GAL3ST1: variants seen among roughly 807,000 people sequenced by gnomAD.
GAL3ST1 encodes galactose-3-O-sulfotransferase 1, also known as galactosylceramide sulfotransferase.
In GAL3ST1, 13 loss-of-function variants were observed where a neutral mutation model predicts 25.0. That is an observed-to-expected ratio of 0.52 (90% CI 0.34 to 0.83). The LOEUF (loss-of-function observed/expected upper bound fraction) is 0.83, where lower values mean the gene tolerates loss of function less well. Ranked by LOEUF, GAL3ST1 falls within the 40% of genes least tolerant of loss-of-function variation. The pLI is 0.02. For missense variants in GAL3ST1, 474 were observed against 613.6 expected (o/e 0.77, Z 2.40); for synonymous variants, 274 against 277.8 (o/e 0.99, Z 0.14).
At chr22:30,556,122 C>T (rs771033555) in intron 3 of GAL3ST1, 29 bp from the exon 4 acceptor site, 1 of 1,571,516 alleles carries the variant, frequency 6.4e-7, no homozygotes, top group Non-Finnish European at 8.6e-7. Flanking sequence ...TGGGGAGAGC[C>T]TCAGGGGGGT....
intron 3 of GAL3ST1, among the ~76,000 whole-genome samples, 169 bp downstream of exon 3, chr22:30,557,093 C>G (rs541670281): frequency 1.1e-4 from 16 of 152,180 alleles, no homozygotes; most frequent in Non-Finnish European, 1.8e-4. Context: ...CAGAGTTACA[C>G]GGCGAGCTCT....
rs755783998 is a variant in GAL3ST1 at position 30,555,990 on chromosome 22, C to T, written c.235G>A (p.Val79Met). The change falls in exon 4 of 4, where the codon GTG becomes ATG. Residue 79 changes from valine (V) to methionine (M), a missense_variant. This residue lies in a region of GAL3ST1 where 115 missense variants were observed against 109.2 expected (regional missense o/e 1.05). Coordinates refer to ENST00000406361, the MANE Select transcript of GAL3ST1 (RefSeq NM_001318104.2). The surrounding 1 kb of genome is among the most constrained non-coding windows in gnomAD (Gnocchi z 8.6). ...AGECQPRRNIVFLKTHKTASS... is the reference protein window; with the variant it reads ...AGECQPRRNIMFLKTHKTASS... ...GCCGTCTTGTGCGTCTTCAAGAACA[C>T]GATGTTGCGCCGCGGCTGGCACTCC... 2.5e-6 allele frequency: 4 copies of T among 1,613,164 alleles called. No homozygotes were observed. Among genetic ancestry groups the T allele is most frequent in the South Asian group, 1.1e-5 (1 of 91,078 alleles).
chr22:30,555,043 G>T lies in GAL3ST1; in HGVS notation c.1182C>A (p.Leu394=). The part of the protein sequence containing the change: ...QRHAQLCRRM[L]TPEIQYLMDL... ...CCATCAGGTACTGGATCTCGGGCGT[G>T]AGCATGCGCCGGCAGAGCTGCGCGT... Residue 394 remains leucine, a synonymous_variant, in exon 4 of 4, where the codon CTC becomes CTA. Coordinates refer to ENST00000406361, the MANE Select transcript of GAL3ST1 (RefSeq NM_001318104.2). The surrounding 1 kb of genome is among the most constrained non-coding windows in gnomAD (Gnocchi z 8.6). 1 of 1,611,762 alleles carries T rather than the reference G, an allele frequency of 6.2e-7. No homozygotes were observed. The highest frequency in any genetic ancestry group is 8.5e-7 in the Non-Finnish European group (1 of 1,178,810).
chr22:30,559,549 C>T (rs891547531), intron 1 of GAL3ST1, among the ~76,000 whole-genome samples: 24 of 152,048 alleles, frequency 1.6e-4, no homozygotes, highest in Non-Finnish European at 3.4e-4. Context: ...CATTTTTATA[C>T]ATTTTTAATA....
intron 1 of GAL3ST1, among the ~76,000 whole-genome samples, chr22:30,566,356 T>C (rs544327808): frequency 1.2e-4 from 19 of 152,370 alleles, no homozygotes; most frequent in African/African-American, 4.3e-4. Flanking sequence ...CTTCTGTGCT[T>C]GGGACCTGTC....
intron 1 of GAL3ST1, among the ~76,000 whole-genome samples, chr22:30,559,343 C>A (rs867620221): frequency 6.6e-6 from 1 of 151,964 alleles, no homozygotes; most frequent in Non-Finnish European, 1.5e-5. Flanking sequence ...CCGGTTCAAG[C>A]GATTCTCCTG....
rs138081153 is a variant in GAL3ST1 at position 30,568,565 on chromosome 22, T to C, written c.-120+5901A>G. On this transcript the variant is annotated intron_variant, in intron 1 of 3. Coordinates refer to ENST00000406361, the MANE Select transcript of GAL3ST1 (RefSeq NM_001318104.2). ...AAAACGAGAACTGTATTAAGCCTTT[T>C]AGAACTTCAGGTTTGTCTGTTACAG... is the stretch of plus-strand genomic sequence containing the variant. Among the ~76,000 whole-genome samples, 3 of 152,322 alleles carry C rather than the reference T, an allele frequency of 2.0e-5. No homozygotes were observed. The East Asian group carries it at 5.8e-4, about 29-fold the overall frequency.
At chr22:30,573,741 C>G (rs2086838738) in intron 1 of GAL3ST1, among the ~76,000 whole-genome samples, 1 of 152,192 alleles carries the variant, frequency 6.6e-6, no homozygotes, top group Non-Finnish European at 1.5e-5. Context: ...CTCTCTGGCT[C>G]TGGGCAGCTG....
chr22:30,555,701 T>C lies in GAL3ST1; in HGVS notation c.524A>G (p.His175Arg), dbSNP rs375737894. 7.0e-5 allele frequency: 113 copies of C among 1,613,464 alleles called. No individual in the cohort carries two copies. Among genetic ancestry groups the C allele is most frequent in the Non-Finnish European group, 9.2e-5 (108 of 1,179,960 alleles). Residue 175 changes from histidine (H) to arginine (R), a missense_variant, in exon 4 of 4, where the codon CAC becomes CGC. Physicochemically the swap from His to Arg is conservative, Grantham distance 29. Around this residue, in one of 2 missense-constraint regions of GAL3ST1, gnomAD observed 359 missense variants for 504.4 expected, o/e 0.71. Transcript: ENST00000406361. The surrounding 1 kb of genome is among the most constrained non-coding windows in gnomAD (Gnocchi z 8.6). Reference sequence around the variant, plus strand: ...GAGGGGCACCACCGGCCCGAAGTAGTGGAAGGAGGACTCGAACAAGCGGGC... The same window carrying C: ...GAGGGGCACCACCGGCCCGAAGTAGCGGAAGGAGGACTCGAACAAGCGGGC... Reference protein sequence around the residue: ...DPARLFESSFHYFGPVVPLTW... With the variant: ...DPARLFESSFRYFGPVVPLTW...
chr22:30,571,507 T>C (rs2086784494), intron 1 of GAL3ST1, among the ~76,000 whole-genome samples: 1 of 152,130 alleles, frequency 6.6e-6, no homozygotes, highest in Non-Finnish European at 1.5e-5. Flanking sequence ...GAGAGGGTAA[T>C]GTTCTTTGAT....
chr22:30,566,842 C>T (rs2859472), intron 1 of GAL3ST1, among the ~76,000 whole-genome samples: 3 of 152,188 alleles, frequency 2.0e-5, no homozygotes, highest in African/African-American at 4.8e-5. Context: ...ATCTCCTGAC[C>T]TCATGATCTG....
intron 1 of GAL3ST1, among the ~76,000 whole-genome samples, chr22:30,564,438 C>A (rs1313899872): frequency 6.6e-6 from 1 of 152,180 alleles, no homozygotes; most frequent in Non-Finnish European, 1.5e-5. Flanking sequence ...GGTAACACAG[C>A]CCAGCAGCAG....
intron 1 of GAL3ST1, chr22:30,564,868 C>T (rs1388532630): frequency 6.6e-6 from 1 of 152,292 alleles, no homozygotes; most frequent in Admixed American, 6.5e-5. Flanking sequence ...CTGCCTGAGC[C>T]ACGTCCAACT....
Position 30,555,240 on chromosome 22 carries a change from G to A in GAL3ST1, c.985C>T (p.Arg329Cys), listed in dbSNP as rs1232709405. Residue 329 changes from arginine (R) to cysteine (C), a missense_variant, in exon 4 of 4, where the codon CGC becomes TGC. This residue lies in a region of GAL3ST1 where 359 missense variants were observed against 504.4 expected (regional missense o/e 0.71). Coordinates refer to ENST00000406361, the MANE Select transcript of GAL3ST1 (RefSeq NM_001318104.2). This position sits in a 1 kb window ranked among gnomAD's most constrained non-coding sequence, Gnocchi z 8.6. ...VEAFGRERMA[R>C]EVAALRHANE... Reference sequence around the variant, plus strand: ...GCATGGCGCAGGGCGGCCACCTCGCGGGCCATGCGCTCCCGCCCGAAGGCC... The same window carrying A: ...GCATGGCGCAGGGCGGCCACCTCGCAGGCCATGCGCTCCCGCCCGAAGGCC... 2 of 1,598,814 alleles carry A rather than the reference G, an allele frequency of 1.3e-6. No individual in the cohort carries two copies. The highest frequency in any genetic ancestry group is 1.7e-6 in the Non-Finnish European group (2 of 1,175,550).
chr22:30,574,025 C>A (rs909684349), intron 1 of GAL3ST1, among the ~76,000 whole-genome samples: 1 of 152,182 alleles, frequency 6.6e-6, no homozygotes, highest in African/African-American at 2.4e-5. Flanking sequence ...CTATGGTCTC[C>A]GGTTCCTGCT....
intron 1 of GAL3ST1, among the ~76,000 whole-genome samples, chr22:30,567,771 C>A (rs571337506): frequency 1.1e-4 from 16 of 152,208 alleles, no homozygotes; most frequent in Middle Eastern, 3.4e-3. Context: ...GCAACCTCTG[C>A]CCCCTGGGTT....
chr22:30,566,799 C>CGGGG (rs2086638454), intron 1 of GAL3ST1, among the ~76,000 whole-genome samples: 1 of 151,740 alleles, frequency 6.6e-6, no homozygotes, highest in Admixed American at 6.6e-5. Flanking sequence ...TTAGTAGAGA[C>CGGGG]GGGGTTTCAC....
At chr22:30,560,834 A>T (rs950018177) in intron 1 of GAL3ST1, 2 of 151,930 alleles carry the variant, frequency 1.3e-5, no homozygotes, top group African/African-American at 4.8e-5. Context: ...CTGCCCCGCC[A>T]ATCAGGCTCC....
chr22:30,566,780 T>G (rs975041240), intron 1 of GAL3ST1, among the ~76,000 whole-genome samples: 7 of 151,852 alleles, frequency 4.6e-5, no homozygotes, highest in Non-Finnish European at 7.4e-5. Flanking sequence ...CGGCTAATTT[T>G]TTGTATTTTT....
Sources: allele counts gnomAD v4.1 joint callset (sites outside exome capture counted in the v4.1 genomes callset), GRCh38; gene constraint gnomAD v4.1.1; regional missense constraint gnomAD v4.1.1; non-coding constraint Gnocchi (gnomAD v3.1); transcripts MANE v1.5; gene names NCBI Gene and HGNC (gene_info 2026-07-23, HGNC 2026-07-21).